Variants in LHCGR observed in about 807,000 individuals in gnomAD.
LHCGR encodes lutropin-choriogonadotropic hormone receptor.
Under a neutral mutation model 60.7 loss-of-function variants are expected in LHCGR, and 55 were observed. The observed-to-expected ratio is 0.91, with a 90% confidence interval of 0.73 to 1.13. The LOEUF (loss-of-function observed/expected upper bound fraction) is 1.13. LHCGR is among the 50% of genes most tolerant of loss of function. The pLI is 0.00. For missense variants in LHCGR, 862 were observed against 836.0 expected, an observed-to-expected ratio of 1.03 and a Z score of -0.38; for synonymous variants, 337 against 316.5, an observed-to-expected ratio of 1.06 and a Z score of -0.69.
At chr2:48,734,016 A>G (rs956350366) in intron 1 of LHCGR, among the ~76,000 whole-genome samples, 1 of 152,186 alleles carries the variant, frequency 6.6e-6, no homozygotes, top group African/African-American at 2.4e-5. Context: ...TCCTGTATAC[A>G]TTGAGAAAAA....
rs1339090715 is a variant in LHCGR at position 48,744,717 on chromosome 2, C to T, written c.161+10794G>A. Among the ~76,000 whole-genome samples, 11 of 145,108 alleles carry T rather than the reference C, an allele frequency of 7.6e-5. No individual in the cohort carries two copies. The South Asian group carries it at 1.1e-3, about 15-fold the overall frequency. ...ATTCAAGATGGATTAAAGACTTAAA[C>T]GTTAGACCTAAAACCATAAAAACCC... On this transcript the variant is annotated intron_variant, in intron 1 of 10. Transcript: ENST00000294954.
chr2:48,716,193 T>G (rs1297485421), intron 6 of LHCGR, among the ~76,000 whole-genome samples: 2 of 152,192 alleles, frequency 1.3e-5, no homozygotes, highest in Non-Finnish European at 2.9e-5. Flanking sequence ...CCAGCAACCC[T>G]GCAAAGAGAA....
At chr2:48,754,658 C>T (rs889180798) in intron 1 of LHCGR, among the ~76,000 whole-genome samples, 7 of 152,022 alleles carry the variant, frequency 4.6e-5, no homozygotes, top group African/African-American at 1.7e-4. Context: ...CCATCCGCTT[C>T]CCCAGCCCTG....
chr2:48,750,929 C>T (rs1447386549), intron 1 of LHCGR, among the ~76,000 whole-genome samples: 1 of 152,240 alleles, frequency 6.6e-6, no homozygotes, highest in African/African-American at 2.4e-5. Flanking sequence ...TTCAAAACAG[C>T]TCCCATAACA....
intron 8 of LHCGR, 44 bp from the exon 9 acceptor site, chr2:48,698,844 T>C (rs754801605): frequency 2.9e-6 from 4 of 1,398,016 alleles, no homozygotes; most frequent in African/African-American, 2.7e-5. Flanking sequence ...ATTTATTTTA[T>C]ACATTTTTTT....
chr2:48,722,868 T>C (rs1445760228), intron 6 of LHCGR, among the ~76,000 whole-genome samples: 5 of 152,196 alleles, frequency 3.3e-5, no homozygotes, highest in African/African-American at 1.2e-4. Context: ...AGTGAGGCCT[T>C]AGGAAACACC....
Position 48,729,246 on chromosome 2 carries a change from G to C in LHCGR, c.234-19C>G. 3.8e-6 allele frequency: 6 copies of C among 1,560,626 alleles called. No homozygotes were observed. Among genetic ancestry groups the C allele is most frequent in the Non-Finnish European group, 5.3e-6 (6 of 1,135,646 alleles). On this transcript the variant is annotated intron_variant, in intron 2 of 10. Coordinates refer to ENST00000294954, the MANE Select transcript of LHCGR (RefSeq NM_000233.4). The stretch of plus-strand genomic sequence containing the variant: ...GATTTCACTAGGGAAGAGAGGAGGG[G>C]GAAAAAGAGAAAGAAACATGAAAGA...
At chr2:48,697,231 T>C (rs1667160000) in intron 9 of LHCGR, among the ~76,000 whole-genome samples, 1 of 152,244 alleles carries the variant, frequency 6.6e-6, no homozygotes, top group Non-Finnish European at 1.5e-5. Context: ...TCTAGACAAC[T>C]CCTGCCTGTT....
chr2:48,723,368 G>A (rs1171842293), intron 6 of LHCGR, 88 bp downstream of exon 6: 8 of 911,298 alleles, frequency 8.8e-6, no homozygotes, highest in Non-Finnish European at 1.3e-5. Context: ...GAGGAATGTG[G>A]TAAAACATGA....
At position 48,747,600 on chromosome 2, in the gene LHCGR, C is replaced by T. The variant is rs145067783; in HGVS notation, c.161+7911G>A. On this transcript the variant is annotated intron_variant, in intron 1 of 10. Transcript: ENST00000294954. ...GGTGTGCTTGGGTCAGTCAGATTCT[C>T]TTTTTGGGAATTGGAAATTTATAAA... Among the ~76,000 whole-genome samples, 916 of 152,210 alleles carry T rather than the reference C, an allele frequency of 6.0e-3. 15 individuals are homozygous for T. The highest frequency in any genetic ancestry group is 0.021 in the African/African-American group (858 of 41,536).
intron 7 of LHCGR, among the ~76,000 whole-genome samples, chr2:48,710,969 C>A (rs1347228264): frequency 6.6e-6 from 1 of 152,206 alleles, no homozygotes; most frequent in Non-Finnish European, 1.5e-5. Context: ...CATGGCTGCT[C>A]AGTCCTGCTC....
chr2:48,706,534 C>A (rs534347218), intron 8 of LHCGR, among the ~76,000 whole-genome samples: 1 of 152,206 alleles, frequency 6.6e-6, no homozygotes, highest in Non-Finnish European at 1.5e-5. Flanking sequence ...ACCAATCAAA[C>A]GTAGATATGG....
intron 6 of LHCGR, among the ~76,000 whole-genome samples, chr2:48,717,215 A>G (rs1290095033): frequency 2.0e-5 from 3 of 152,232 alleles, no homozygotes; most frequent in Non-Finnish European, 4.4e-5. Context: ...CTAGATGCCC[A>G]TTATTCATCA....
At chr2:48,740,174 C>G (rs1011990104) in intron 1 of LHCGR, among the ~76,000 whole-genome samples, 1 of 152,378 alleles carries the variant, frequency 6.6e-6, no homozygotes, top group East Asian at 1.9e-4. Flanking sequence ...TATCCCGCAC[C>G]TGGCTCGGAG....
chr2:48,748,132 C>A (rs1027920935), intron 1 of LHCGR, among the ~76,000 whole-genome samples: 2 of 152,154 alleles, frequency 1.3e-5, no homozygotes, highest in African/African-American at 4.8e-5. Context: ...TTGTTTATAA[C>A]CTTTATCTAG....
chr2:48,739,969 G>T (rs1345460987), intron 1 of LHCGR, among the ~76,000 whole-genome samples: 2 of 152,214 alleles, frequency 1.3e-5, no homozygotes. Context: ...AGTGGGCGCA[G>T]GTCAGTGGGT....
In LHCGR at chr2:48,687,618, T is replaced by C. The variant is rs554568070; in HGVS notation, c.*79A>G. On this transcript the variant is annotated 3_prime_UTR_variant, in exon 11 of 11. Coordinates refer to ENST00000294954, the MANE Select transcript of LHCGR (RefSeq NM_000233.4). ...AAATAATTTCCTAAATCCAACCCTT[T>C]ATGTTAAAATTACTGGTACAGGTAA... The C allele has an allele frequency of 4.9e-5, 58 of 1,190,694 alleles. No homozygotes were observed. The Admixed American group carries it at 6.9e-4, about 14-fold the overall frequency. The allele number at this position is 1,190,694 out of a possible 1,614,324, so 73.8% of individuals were successfully genotyped here.
chr2:48,712,703 A>G (rs1668054036), intron 7 of LHCGR, among the ~76,000 whole-genome samples: 2 of 150,814 alleles, frequency 1.3e-5, no homozygotes, highest in Non-Finnish European at 1.5e-5. Flanking sequence ...TATATATTAT[A>G]TAATAAATAA....
chr2:48,725,476 C>T (rs1291065054), intron 4 of LHCGR, among the ~76,000 whole-genome samples, 200 bp downstream of exon 4: 1 of 152,146 alleles, frequency 6.6e-6, no homozygotes, highest in Non-Finnish European at 1.5e-5. Context: ...TGTTGGGAAC[C>T]ACTTACATGT....
Sources: allele counts gnomAD v4.1 joint callset (sites outside exome capture counted in the v4.1 genomes callset), GRCh38; gene constraint gnomAD v4.1.1; transcripts MANE v1.5; gene names NCBI Gene and HGNC (gene_info 2026-07-23, HGNC 2026-07-21).